Variants in LRRK2 observed in about 807,000 individuals in gnomAD.
The protein encoded by LRRK2 is leucine-rich repeat serine/threonine-protein kinase 2.
Under a neutral mutation model 302.6 loss-of-function variants are expected in LRRK2, and 203 were observed. The ratio of observed to expected loss-of-function variants is 0.67; its 90% CI spans 0.60 to 0.75. The LOEUF (loss-of-function observed/expected upper bound fraction) is 0.75, where lower values mean the gene tolerates loss of function less well. LRRK2 is among the 30% of genes least tolerant of loss of function. The pLI, the probability that LRRK2 is intolerant of heterozygous loss-of-function variation, is 0.00. For missense variants in LRRK2, 2,830 were observed against 2,951.0 expected (o/e 0.96, Z 0.95); for synonymous variants, 1,066 against 1,031.9 (o/e 1.03, Z -0.63).
rs1375798824 is a variant in LRRK2 at position 40,298,391 on chromosome 12, G to A, written c.3245G>A (p.Cys1082Tyr). ...PSVVLDPTVK[C>Y]PTLKQFNLSY... is the part of the protein sequence containing the mutation. ...GTGGTTTTAGATCCTACAGTGAAAT[G>A]TCCAACTCTGAAACAGTTTAACCTG... The change falls in exon 24 of 51, where the codon TGT becomes TAT. Residue 1082 changes from cysteine to tyrosine, a missense_variant. Transcript: ENST00000298910. 2 of 1,613,784 alleles carry A rather than the reference G, an allele frequency of 1.2e-6. No homozygotes were observed. Among genetic ancestry groups the A allele is most frequent in the Non-Finnish European group, 1.7e-6 (2 of 1,179,962 alleles).
chr12:40,226,264 T>A (rs1057195845), intron 2 of LRRK2, among the ~76,000 whole-genome samples: 3 of 152,184 alleles, frequency 2.0e-5, no homozygotes, highest in Non-Finnish European at 1.5e-5. Context: ...TTGCTATGTA[T>A]CTTGGATTTT....
At chr12:40,360,942 G>A (rs1277609815) in intron 47 of LRRK2, among the ~76,000 whole-genome samples, 1 of 152,076 alleles carries the variant, frequency 6.6e-6, no homozygotes, top group East Asian at 1.9e-4. Context: ...TGCTTCCATT[G>A]CATCTAATGT....
chr12:40,304,068 G>C lies in LRRK2; in HGVS notation c.3711G>C (p.Leu1237Phe), dbSNP rs1045219689. ...ATAATCAGATCAGCATCTTGGACTT[G>C]AGTGAAAAAGCATATTTATGGTCTA... ...FSHNQISILDLSEKAYLWSRV... is the reference protein window; with the variant it reads ...FSHNQISILDFSEKAYLWSRV... The change falls in exon 27 of 51, where the codon TTG becomes TTC. Residue 1237 changes from leucine (L) to phenylalanine (F), a missense_variant. Physicochemically the swap from Leu to Phe is conservative, Grantham distance 22 (BLOSUM62 0). This residue lies in a region of LRRK2 where 2,121 missense variants were observed against 2,148.0 expected (regional missense o/e 0.99). Coordinates refer to ENST00000298910, the MANE Select transcript of LRRK2 (RefSeq NM_198578.4). The C allele has an allele frequency of 1.1e-5, 17 of 1,613,506 alleles. No individual in the cohort carries two copies. The highest frequency in any genetic ancestry group is 1.4e-5 in the Non-Finnish European group (16 of 1,179,726).
At chr12:40,338,329 T>A (rs1279827535) in intron 40 of LRRK2, among the ~76,000 whole-genome samples, 3 of 152,316 alleles carry the variant, frequency 2.0e-5, no homozygotes, top group Middle Eastern at 3.4e-3. Flanking sequence ...ACCTAGTACA[T>A]ATTTGTCAAA....
In LRRK2 at chr12:40,284,015, G is replaced by T. The variant is rs1171219491; in HGVS notation, c.2382G>T (p.Leu794=). The change falls in exon 19 of 51, where the codon CTG becomes CTT. Residue 794 remains leucine, a synonymous_variant. Transcript: ENST00000298910. The part of the protein sequence containing the change: ...SQIISLLLRR[L]ALDVANNSIC... Reference sequence around the variant, plus strand: ...TCATCAGCTTGCTCTTAAGGAGGCTGGCCCTGGATGTGGCCAACAATAGCA... The same window carrying T: ...TCATCAGCTTGCTCTTAAGGAGGCTTGCCCTGGATGTGGCCAACAATAGCA... The T allele has an allele frequency of 1.2e-6, 2 of 1,613,858 alleles. No homozygotes were observed. Among genetic ancestry groups the T allele is most frequent in the African/African-American group, 2.7e-5 (2 of 74,916 alleles).
At chr12:40,242,133 A>G (rs962111872) in intron 6 of LRRK2, among the ~76,000 whole-genome samples, 1 of 152,158 alleles carries the variant, frequency 6.6e-6, no homozygotes, top group Non-Finnish European at 1.5e-5. Flanking sequence ...TAAGAAATCA[A>G]AAGTTTTTAA....
At chr12:40,278,910 T>A (rs1483281664) in intron 18 of LRRK2, among the ~76,000 whole-genome samples, 2 of 152,194 alleles carry the variant, frequency 1.3e-5, no homozygotes, top group Non-Finnish European at 2.9e-5. Context: ...TTTGTCAGTC[T>A]ATGAAAATAT....
At position 40,360,867 on chromosome 12, in the gene LRRK2, A is replaced by G. The variant is rs139392242; in HGVS notation, c.7028+1423A>G. Among the ~76,000 whole-genome samples, 562 of 61,080 alleles carry G rather than the reference A, an allele frequency of 9.2e-3. 1 individual carries two copies. Among genetic ancestry groups the G allele is most frequent in the Middle Eastern group, 0.042 (4 of 96 alleles). 40.1% of individuals were successfully genotyped at this position (61,080 alleles called of 152,430 possible). On this transcript the variant is annotated intron_variant, in intron 47 of 50. Coordinates refer to ENST00000298910, the MANE Select transcript of LRRK2 (RefSeq NM_198578.4). ...TGGTCTTCTCCTTACCTGGATGACT[A>G]TTATGCCCCCTGCCTATTTCAGTCC... is the stretch of plus-strand genomic sequence containing the variant.
intron 39 of LRRK2, among the ~76,000 whole-genome samples, chr12:40,331,861 A>G (rs938093573): frequency 4.6e-5 from 7 of 152,138 alleles, no homozygotes; most frequent in African/African-American, 1.7e-4. Flanking sequence ...ACTCTGGCCA[A>G]TTTTCTTTAA....
intron 16 of LRRK2, among the ~76,000 whole-genome samples, 153 bp from the exon 17 acceptor site, chr12:40,277,735 A>G (rs1943519402): frequency 6.6e-6 from 1 of 152,178 alleles, no homozygotes; most frequent in African/African-American, 2.4e-5. Flanking sequence ...GTATTTATTT[A>G]CAGGATAAAT....
intron 41 of LRRK2, among the ~76,000 whole-genome samples, chr12:40,343,894 C>A (rs980343724): frequency 1.3e-5 from 2 of 151,948 alleles, no homozygotes; most frequent in Non-Finnish European, 2.9e-5. Flanking sequence ...TTTAAAGAAG[C>A]TTTTAGAAGG....
At chr12:40,311,410 T>A (rs956082412) in intron 31 of LRRK2, among the ~76,000 whole-genome samples, 2 of 152,130 alleles carry the variant, frequency 1.3e-5, no homozygotes, top group East Asian at 3.8e-4. Flanking sequence ...GAGTGTGGTG[T>A]AAACTGTACT....
intron 5 of LRRK2, 59 bp downstream of exon 5, chr12:40,238,162 A>T: frequency 2.0e-6 from 3 of 1,509,826 alleles, no homozygotes; most frequent in Non-Finnish European, 1.8e-6. Context: ...TTATACTGGG[A>T]AAAGTAGAAC....
At chr12:40,252,327 C>T (rs1942309783) in intron 10 of LRRK2, among the ~76,000 whole-genome samples, 1 of 152,154 alleles carries the variant, frequency 6.6e-6, no homozygotes, top group South Asian at 2.1e-4. Context: ...AACACAGATG[C>T]TACTTAATTA....
intron 14 of LRRK2, among the ~76,000 whole-genome samples, chr12:40,268,127 T>G (rs934184134): frequency 2.6e-5 from 4 of 152,212 alleles, no homozygotes; most frequent in Non-Finnish European, 5.9e-5. Context: ...TTTCCACAGA[T>G]GAAGACTTTG....
chr12:40,295,567 A>G lies in LRRK2; in HGVS notation c.3019A>G (p.Ser1007Gly), dbSNP rs201571302. ...TGCCCTAAGCCAGAAATGCTGTATA[A>G]GTGTTCATTTGGAGCATCTTGAAAA... ...IDALSQKCCISVHLEHLEKLE... is the reference protein window; with the variant it reads ...IDALSQKCCIGVHLEHLEKLE... Residue 1007 changes from serine to glycine, a missense_variant, in exon 23 of 51, where the codon AGT becomes GGT. By Grantham distance (56) the Ser-to-Gly change is moderately conservative. Transcript: ENST00000298910. The G allele has an allele frequency of 1.1e-5, 17 of 1,613,958 alleles. No homozygotes were observed. Among genetic ancestry groups the G allele is most frequent in the Non-Finnish European group, 1.3e-5 (15 of 1,179,994 alleles).
At chr12:40,344,000 GAGA>G (rs1456260118) in intron 41 of LRRK2, among the ~76,000 whole-genome samples, 3 of 152,098 alleles carry the variant, frequency 2.0e-5, no homozygotes, top group Non-Finnish European at 4.4e-5. Flanking sequence ...CTTTGAAAAG[GAGA>G]AGATTAGAAG....
chr12:40,354,046 T>A (rs567478421), intron 44 of LRRK2, among the ~76,000 whole-genome samples: 1 of 152,302 alleles, frequency 6.6e-6, no homozygotes, highest in East Asian at 1.9e-4. Flanking sequence ...TCTTCTTATA[T>A]GGTTTGAAGG....
At chr12:40,331,115 T>C (rs1262058735) in intron 39 of LRRK2, among the ~76,000 whole-genome samples, 1 of 152,208 alleles carries the variant, frequency 6.6e-6, no homozygotes, top group Non-Finnish European at 1.5e-5. Context: ...TCTTTCTCTT[T>C]TATCTTGTCA....
Sources: gnomAD v4.1 joint callset for allele counts (sites outside exome capture counted in the v4.1 genomes callset) on GRCh38, gnomAD v4.1.1 for gene constraint, gnomAD v4.1.1 regional missense constraint, MANE v1.5 for transcripts, NCBI Gene and HGNC (gene_info 2026-07-23, HGNC 2026-07-21) for gene names.